The following SIK2 variants were observed in gnomAD, a reference collection of about 807,000 sequenced individuals.
SIK2 encodes serine/threonine-protein kinase SIK2.
Under a neutral mutation model 103.2 loss-of-function variants are expected in SIK2, and 29 were observed. The ratio of observed to expected loss-of-function variants is 0.28; its 90% CI spans 0.21 to 0.38. SIK2 has a LOEUF of 0.38. Ranked by LOEUF, SIK2 falls within the 10% of genes least tolerant of loss-of-function variation. The pLI is 1.00. For synonymous variants in SIK2, 412 were observed against 446.1 expected, an observed-to-expected ratio of 0.92 and a Z score of 0.96; for missense variants, 879 against 1,171.0, an observed-to-expected ratio of 0.75 and a Z score of 3.64.
chr11:111,603,302 G>T (rs1011426236), intron 1 of SIK2, among the ~76,000 whole-genome samples: 3 of 152,148 alleles, frequency 2.0e-5, no homozygotes, highest in African/African-American at 7.2e-5. Context: ...CTGATTTGGT[G>T]TCTGGCTAGC....
chr11:111,646,645 C>T (rs1026704557), intron 3 of SIK2, among the ~76,000 whole-genome samples: 2 of 152,152 alleles, frequency 1.3e-5, no homozygotes, highest in Non-Finnish European at 2.9e-5. Context: ...GATCTGTTTT[C>T]TGTCACTACA....
intron 1 of SIK2, among the ~76,000 whole-genome samples, chr11:111,606,597 A>G (rs1370328059): frequency 6.6e-6 from 1 of 152,100 alleles, no homozygotes; most frequent in Admixed American, 6.5e-5. Flanking sequence ...TCCCTTATTA[A>G]TGAATATTAT....
chr11:111,674,064 A>C, intron 3 of SIK2, among the ~76,000 whole-genome samples: 1 of 118,158 alleles, frequency 8.5e-6, no homozygotes, highest in African/African-American at 3.1e-5. Flanking sequence ...ACAGAGCAAG[A>C]CTCCATTAAA....
chr11:111,638,338 G>A (rs886240642), intron 3 of SIK2, among the ~76,000 whole-genome samples: 1 of 152,160 alleles, frequency 6.6e-6, no homozygotes, highest in African/African-American at 2.4e-5. Flanking sequence ...AGAAATCAGG[G>A]CACTCACCCA....
intron 2 of SIK2, among the ~76,000 whole-genome samples, chr11:111,618,632 C>A (rs1941839853): frequency 6.6e-6 from 1 of 151,970 alleles, no homozygotes; most frequent in African/African-American, 2.4e-5. Flanking sequence ...CTGTGAATAG[C>A]CACTGTACTT....
rs1185835333 is a variant in SIK2 at position 111,720,018 on chromosome 11, C to T, written c.1495+15C>T. On this transcript the variant is annotated intron_variant, in intron 10 of 14. Transcript: ENST00000304987. ...GCCTGGGGCAGGTACGGTAGAGGAGCGACACTAGCTTGAGTCTTCATGGCA... is the reference window on the plus strand; with the variant it reads ...GCCTGGGGCAGGTACGGTAGAGGAGTGACACTAGCTTGAGTCTTCATGGCA... 9 of 1,605,718 alleles carry T rather than the reference C, an allele frequency of 5.6e-6. No homozygotes were observed. The highest frequency in any genetic ancestry group is 1.7e-5 in the Admixed American group (1 of 58,770).
Position 111,721,393 on chromosome 11 carries a change from C to A in SIK2, c.1944+331C>A, listed in dbSNP as rs116403272. Among the ~76,000 whole-genome samples the A allele has an allele frequency of 9.6e-3, 1,469 of 152,272 alleles. 22 individuals are homozygous for A. Among genetic ancestry groups the A allele is most frequent in the African/African-American group, 0.033 (1,374 of 41,544 alleles). Reference sequence around the variant, plus strand: ...CACACACACCCAAATGAAAAATACACAAATGAACTACACCCAAATGAGAAG... The same window carrying A: ...CACACACACCCAAATGAAAAATACAAAAATGAACTACACCCAAATGAGAAG... On this transcript the variant is annotated intron_variant, in intron 12 of 14. Transcript: ENST00000304987.
At chr11:111,625,116 G>T (rs1156866049) in intron 3 of SIK2, among the ~76,000 whole-genome samples, 6 of 152,114 alleles carry the variant, frequency 3.9e-5, no homozygotes, top group African/African-American at 7.2e-5. Context: ...GCAGATTTGG[G>T]GGCATTGTGT....
At position 111,712,317 on chromosome 11, in the gene SIK2, C is replaced by T. The variant is rs1565382719; in HGVS notation, c.1208C>T (p.Ala403Val). The T allele has an allele frequency of 6.2e-7, 1 of 1,614,206 alleles. No homozygotes were observed. Residue 403 changes from alanine (A) to valine (V), a missense_variant, in exon 9 of 15, where the codon GCA becomes GTA. Physicochemically the swap from Ala to Val is moderately conservative, Grantham distance 64 (BLOSUM62 0). Around this residue, in one of 7 missense-constraint regions of SIK2, gnomAD observed 222 missense variants for 258.0 expected, o/e 0.86. Coordinates refer to ENST00000304987, the MANE Select transcript of SIK2 (RefSeq NM_015191.3). ...ASNVEAFSFP[A>V]SGCQAEAAFM... is the part of the protein sequence containing the mutation. Reference sequence around the variant, plus strand: ...AACGTGGAGGCCTTTTCATTTCCAGCATCTGGCTGTCAGGCGGAAGCTGCA... The same window carrying T: ...AACGTGGAGGCCTTTTCATTTCCAGTATCTGGCTGTCAGGCGGAAGCTGCA...
chr11:111,635,468 T>A (rs1283036953), intron 3 of SIK2, among the ~76,000 whole-genome samples: 1 of 22,546 alleles, frequency 4.4e-5, no homozygotes, highest in Non-Finnish European at 8.3e-5. Context: ...GGGAAATGAG[T>A]AAGGAGGGAG....
intron 3 of SIK2, among the ~76,000 whole-genome samples, chr11:111,666,513 C>T (rs1444612845): frequency 6.6e-6 from 1 of 152,204 alleles, no homozygotes; most frequent in Admixed American, 6.5e-5. Flanking sequence ...CCATAACAGA[C>T]TTTTGCAGTA....
intron 3 of SIK2, among the ~76,000 whole-genome samples, chr11:111,653,215 A>T (rs986451243): frequency 6.6e-6 from 1 of 152,198 alleles, no homozygotes; most frequent in Non-Finnish European, 1.5e-5. Flanking sequence ...AGTAAAGGTA[A>T]TGGGAAAAGA....
rs117854444 is a variant in SIK2, at chr11:111,714,522, G to A, written c.1266+2147G>A. Among the ~76,000 whole-genome samples the A allele has an allele frequency of 7.5e-3, 1,143 of 152,314 alleles. 8 individuals carry two copies. Among genetic ancestry groups the A allele is most frequent in the Middle Eastern group, 0.061 (18 of 294 alleles). ...TGACCAGGAAGACAGGTTAGAGCACGTGTCCAGGAGGGAGGTGATGAGGCC... is the reference window on the plus strand; with the variant it reads ...TGACCAGGAAGACAGGTTAGAGCACATGTCCAGGAGGGAGGTGATGAGGCC... On this transcript the variant is annotated intron_variant, in intron 9 of 14. Transcript: ENST00000304987.
In SIK2 at chr11:111,696,967, C is replaced by G. The variant is rs545137050; in HGVS notation, c.479-3919C>G. Among the ~76,000 whole-genome samples the G allele has an allele frequency of 2.0e-5, 3 of 152,270 alleles. No individual in the cohort carries two copies. The South Asian group carries it at 6.2e-4, about 32-fold the overall frequency. ...CTGGGTGAAGCAAGTTATCCAGATTCCTGTGAAGAAATTAAAAGGCTCTTA... is the reference window on the plus strand; with the variant it reads ...CTGGGTGAAGCAAGTTATCCAGATTGCTGTGAAGAAATTAAAAGGCTCTTA... On this transcript the variant is annotated intron_variant, in intron 4 of 14. Transcript: ENST00000304987.
At chr11:111,616,406 C>T (rs1282850041) in intron 2 of SIK2, 47 bp downstream of exon 2, 4 of 1,034,424 alleles carry the variant, frequency 3.9e-6, no homozygotes, top group Non-Finnish European at 4.5e-6. Flanking sequence ...CAAGATAGTT[C>T]TCTATTTCGT....
chr11:111,694,801 AT>A (rs931298319), intron 4 of SIK2, among the ~76,000 whole-genome samples: 2 of 151,266 alleles, frequency 1.3e-5, no homozygotes, highest in South Asian at 2.1e-4. Context: ...GTTTGATTTG[AT>A]TTTTTTTTCC....
intron 3 of SIK2, among the ~76,000 whole-genome samples, chr11:111,659,491 T>G (rs570905842): frequency 3.3e-5 from 5 of 152,362 alleles, no homozygotes; most frequent in Non-Finnish European, 7.3e-5. Context: ...ACCTTTTTTC[T>G]TAAAAGAGTA....
chr11:111,647,003 T>C (rs1027870889), intron 3 of SIK2, among the ~76,000 whole-genome samples: 1 of 152,256 alleles, frequency 6.6e-6, no homozygotes, highest in African/African-American at 2.4e-5. Flanking sequence ...CTGGATCATA[T>C]GATAGATACA....
chr11:111,701,138 T>G lies in SIK2; in HGVS notation c.603+128T>G, dbSNP rs1943203334. 8.0e-7 allele frequency: 1 copy of G among 1,250,926 alleles called. No homozygotes were observed. The highest frequency in any genetic ancestry group is 1.1e-6 in the Non-Finnish European group (1 of 923,748). The allele number at this position is 1,250,926 out of a possible 1,614,324, so 77.5% of individuals were successfully genotyped here. ...TTCATATTTTCCCCATCCACTGGAC[T>G]ATAATTACTCAGAGCATCTTGAAAT... On this transcript the variant is annotated intron_variant, in intron 5 of 14. Transcript: ENST00000304987. This position sits in a 1 kb window ranked among gnomAD's most constrained non-coding sequence, Gnocchi z 4.2.
Sources: allele counts gnomAD v4.1 joint callset (sites outside exome capture counted in the v4.1 genomes callset), GRCh38; gene constraint gnomAD v4.1.1; regional missense constraint gnomAD v4.1.1; non-coding constraint Gnocchi (gnomAD v3.1); transcripts MANE v1.5; gene names NCBI Gene and HGNC (gene_info 2026-07-23, HGNC 2026-07-21).